Variants in MTMR12 observed in about 807,000 individuals in gnomAD.
The protein encoded by MTMR12 is myotubularin related protein 12.
Under a neutral mutation model 96.7 loss-of-function variants are expected in MTMR12, and 33 were observed. The observed-to-expected ratio is 0.34, with a 90% CI of 0.26 to 0.46. MTMR12 has a LOEUF of 0.46. MTMR12 is among the 20% of genes least tolerant of loss of function. The pLI is 1.00. For synonymous variants in MTMR12, 298 were observed against 327.2 expected (o/e 0.91, Z 0.96); for missense variants, 721 against 896.1 (o/e 0.80, Z 2.49).
At chr5:32,269,841 C>T (rs1336391431) in intron 5 of MTMR12, among the ~76,000 whole-genome samples, 1 of 152,198 alleles carries the variant, frequency 6.6e-6, no homozygotes, top group Non-Finnish European at 1.5e-5. Flanking sequence ...AGAAATCAAT[C>T]TATCACGCTG....
At chr5:32,310,239 G>T (rs1228488027) in intron 1 of MTMR12, among the ~76,000 whole-genome samples, 1 of 152,170 alleles carries the variant, frequency 6.6e-6, no homozygotes, top group Non-Finnish European at 1.5e-5. Context: ...GGAGGTGGAG[G>T]CTACAGTGAG....
rs1561731565 is a variant in MTMR12, at chr5:32,230,160, G to A, written c.1862C>T (p.Thr621Ile). ...CGGTAACAACAAACCATGGTAGTCA[G>A]TGGACTTGCTATGCCAGCTGTCATA... ...EFYDSWHSKS[T>I]DYHGLLLPHI... Residue 621 changes from threonine to isoleucine, a missense_variant, in exon 16 of 16, where the codon ACT becomes ATT. Transcript: ENST00000382142. The A allele has an allele frequency of 6.2e-7, 1 of 1,614,186 alleles. No homozygotes were observed. Among genetic ancestry groups the A allele is most frequent in the East Asian group, 2.2e-5 (1 of 44,892 alleles).
At chr5:32,276,505 A>ACTCAGAC (rs1750055610) in intron 2 of MTMR12, among the ~76,000 whole-genome samples, 177 bp downstream of exon 2, 1 of 152,194 alleles carries the variant, frequency 6.6e-6, no homozygotes, top group African/African-American at 2.4e-5. Flanking sequence ...ATGTTGTAAT[A>ACTCAGAC]CTCAGACCCA....
chr5:32,294,029 G>A (rs764302337), intron 1 of MTMR12, among the ~76,000 whole-genome samples: 6 of 151,988 alleles, frequency 3.9e-5, no homozygotes, highest in Admixed American at 6.6e-5. Context: ...TCCTGTTGTC[G>A]CTCTGACTTT....
At chr5:32,232,830 C>T in intron 15 of MTMR12, 1 of 470,012 alleles carries the variant, frequency 2.1e-6, no homozygotes, top group Non-Finnish European at 2.8e-6. Context: ...GTGGCTCACC[C>T]AGGTCCCCAG....
At position 32,242,136 on chromosome 5, in the gene MTMR12, G is replaced by A. The variant is rs767860503; in HGVS notation, c.1101-9C>T. 2.5e-6 allele frequency: 4 copies of A among 1,604,160 alleles called. No individual in the cohort carries two copies. The Admixed American group carries it at 5.0e-5, about 20-fold the overall frequency. On this transcript the variant is annotated splice_polypyrimidine_tract_variant and intron_variant, in intron 11 of 15. Transcript: ENST00000382142. ...CTTTTTTCAGGCAACGTCTGAATAG[G>A]AAAGAGACAAGAAAAAGGGGCATTA...
chr5:32,299,694 A>G (rs1164278720), intron 1 of MTMR12, among the ~76,000 whole-genome samples: 1 of 152,210 alleles, frequency 6.6e-6, no homozygotes, highest in Non-Finnish European at 1.5e-5. Context: ...TGTCACAGAA[A>G]GAAGGAATCC....
intron 10 of MTMR12, among the ~76,000 whole-genome samples, chr5:32,245,863 G>A (rs1229380506): frequency 6.6e-6 from 1 of 151,966 alleles, no homozygotes; most frequent in Non-Finnish European, 1.5e-5. Context: ...AGATGTTTTT[G>A]TGCTTTGGTC....
intron 1 of MTMR12, among the ~76,000 whole-genome samples, chr5:32,277,931 T>C (rs1750125190): frequency 6.6e-6 from 1 of 152,206 alleles, no homozygotes; most frequent in African/African-American, 2.4e-5. Context: ...ACATTCTTTG[T>C]CCATTCAAAG....
At chr5:32,251,256 C>T (rs1392549132) in intron 8 of MTMR12, among the ~76,000 whole-genome samples, 1 of 151,936 alleles carries the variant, frequency 6.6e-6, no homozygotes, top group East Asian at 1.9e-4. Context: ...GGGGTTTCAC[C>T]GTTTTACCTC....
intron 1 of MTMR12, among the ~76,000 whole-genome samples, chr5:32,304,921 G>A (rs535160920): frequency 1.4e-3 from 207 of 152,280 alleles, no homozygotes; most frequent in Non-Finnish European, 2.3e-3. Flanking sequence ...AGATCATCGG[G>A]CTAAAGCCAC....
rs112147488 is a variant in MTMR12, at chr5:32,271,146, G to A, written c.359-199C>T. Among the ~76,000 whole-genome samples the A allele has an allele frequency of 3.6e-3, 543 of 152,300 alleles. 3 individuals carry two copies. The highest frequency in any genetic ancestry group is 0.013 in the African/African-American group (525 of 41,560). ...CCCTGGCTCTCTGAGAGCAGTCAGC[G>A]TGCTTCACTCCTCTGGAGTAAGCAC... On this transcript the variant is annotated intron_variant, in intron 4 of 15. Coordinates refer to ENST00000382142, the MANE Select transcript of MTMR12 (RefSeq NM_001040446.3).
intron 1 of MTMR12, among the ~76,000 whole-genome samples, chr5:32,277,360 G>C (rs1750095429): frequency 6.6e-6 from 1 of 152,108 alleles, no homozygotes; most frequent in South Asian, 2.1e-4. Flanking sequence ...GGAACAACTT[G>C]AAGTGTCACA....
chr5:32,292,225 T>A (rs888343816), intron 1 of MTMR12, among the ~76,000 whole-genome samples: 20 of 152,142 alleles, frequency 1.3e-4, no homozygotes, highest in African/African-American at 4.8e-4. Context: ...TAGAAGGCCA[T>A]GTATGCTCTG....
chr5:32,295,079 C>T (rs1247908310), intron 1 of MTMR12, among the ~76,000 whole-genome samples: 3 of 152,200 alleles, frequency 2.0e-5, no homozygotes, highest in Non-Finnish European at 4.4e-5. Flanking sequence ...AAGCTAAAAA[C>T]CAAAACAGGA....
At chr5:32,243,427 C>T (rs1748553418) in intron 11 of MTMR12, 94 bp downstream of exon 11, 7 of 849,466 alleles carry the variant, frequency 8.2e-6, no homozygotes, top group Non-Finnish European at 1.3e-5. Context: ...ATTTAACTGT[C>T]AAATATCAAA....
intron 12 of MTMR12, among the ~76,000 whole-genome samples, chr5:32,239,852 T>G (rs1472183527): frequency 2.0e-5 from 3 of 152,238 alleles, no homozygotes; most frequent in Non-Finnish European, 2.9e-5. Flanking sequence ...TACTTCTACA[T>G]GCCCACCTGC....
chr5:32,251,098 C>T (rs888444960), intron 8 of MTMR12, among the ~76,000 whole-genome samples: 15 of 147,976 alleles, frequency 1.0e-4, no homozygotes, highest in African/African-American at 3.8e-4. Context: ...CTCTGTCGCC[C>T]AGGCTGGAGT....
intron 1 of MTMR12, among the ~76,000 whole-genome samples, chr5:32,311,501 C>T (rs1322681279): frequency 1.3e-5 from 2 of 152,224 alleles, no homozygotes. Context: ...CTCTCATCCA[C>T]AGCCCACGTG....
Sources: gnomAD v4.1 joint callset for allele counts (sites outside exome capture counted in the v4.1 genomes callset) on GRCh38, gnomAD v4.1.1 for gene constraint, MANE v1.5 for transcripts, NCBI Gene and HGNC (gene_info 2026-07-23, HGNC 2026-07-21) for gene names.